The following FAT3 variants were observed in gnomAD, a reference collection of about 807,000 sequenced individuals.
The protein encoded by FAT3 is FAT atypical cadherin 3.
In FAT3, 95 loss-of-function variants were observed where a neutral mutation model predicts 310.2. The observed-to-expected ratio is 0.31, with a 90% CI of 0.26 to 0.36. FAT3 has a LOEUF of 0.36. Among genes scored for constraint, FAT3 ranks in the 10% least tolerant of loss-of-function variants. The pLI is 1.00. For missense variants in FAT3, 5,408 were observed against 5,715.6 expected, an observed-to-expected ratio of 0.95 and a Z score of 1.74; for synonymous variants, 2,314 against 2,192.9, an observed-to-expected ratio of 1.06 and a Z score of -1.54.
rs535351250 is a variant in FAT3, at chr11:92,224,997, G to A, written c.-195G>A. On this transcript the variant is annotated 5_prime_UTR_variant, in exon 1 of 28. Coordinates refer to ENST00000525166, the MANE Select transcript of FAT3 (RefSeq NM_001367949.2). ...GCGAACCCCCGGCGGCGGCGGCGGC[G>A]GCGTCCCGAGCGCAGAGCGCTTCTG... Among the ~76,000 whole-genome samples, 1 of 152,066 alleles carries A rather than the reference G, an allele frequency of 6.6e-6. No individual in the cohort carries two copies. Among genetic ancestry groups the A allele is most frequent in the Non-Finnish European group, 1.5e-5 (1 of 68,000 alleles).
intron 2 of FAT3, among the ~76,000 whole-genome samples, chr11:92,376,712 G>A (rs1949357189): frequency 6.6e-6 from 1 of 152,148 alleles, no homozygotes; most frequent in African/African-American, 2.4e-5. Context: ...CCTCACTTTG[G>A]ATAGTGGTTG....
intron 4 of FAT3, among the ~76,000 whole-genome samples, chr11:92,745,308 C>T (rs549089583): frequency 2.6e-4 from 40 of 152,202 alleles, no homozygotes; most frequent in Non-Finnish European, 3.2e-4. Flanking sequence ...TTTAGATCTG[C>T]GGCTAATATG....
intron 3 of FAT3, among the ~76,000 whole-genome samples, chr11:92,588,884 A>G (rs1939286195): frequency 1.3e-5 from 2 of 151,698 alleles, no homozygotes; most frequent in South Asian, 2.1e-4. Context: ...TAGGGAATTA[A>G]TGAGGAATTA....
chr11:92,587,264 T>A (rs1196828151), intron 3 of FAT3, among the ~76,000 whole-genome samples: 3 of 152,024 alleles, frequency 2.0e-5, no homozygotes, highest in Non-Finnish European at 4.4e-5. Flanking sequence ...ATTAACCTGG[T>A]TATTGGTGAA....
intron 25 of FAT3, among the ~76,000 whole-genome samples, chr11:92,888,340 G>A (rs1161101634): frequency 2.6e-5 from 4 of 152,148 alleles, no homozygotes; most frequent in Non-Finnish European, 5.9e-5. Context: ...TGGCTAGTTT[G>A]CACTTTATAT....
At chr11:92,868,821 TAAGTA>T (rs1243121765) in intron 22 of FAT3, among the ~76,000 whole-genome samples, 1 of 152,198 alleles carries the variant, frequency 6.6e-6, no homozygotes, top group Non-Finnish European at 1.5e-5. Context: ...ATCCTTAAGC[TAAGTA>T]TTCAGTGGAA....
intron 2 of FAT3, among the ~76,000 whole-genome samples, chr11:92,488,450 G>GCCCCCCC (rs796106709): frequency 3.2e-4 from 3 of 9,334 alleles, no homozygotes; most frequent in South Asian, 0.015. Context: ...AACTAGCACC[G>GCCCCCCC]CCCCCCCCCC....
intron 3 of FAT3, among the ~76,000 whole-genome samples, chr11:92,634,124 T>A (rs1941670193): frequency 6.6e-6 from 1 of 152,176 alleles, no homozygotes; most frequent in Non-Finnish European, 1.5e-5. Context: ...TACACAGAGA[T>A]TCAGAAATGC....
At chr11:92,493,798 C>A (rs995296749) in intron 2 of FAT3, among the ~76,000 whole-genome samples, 1 of 152,004 alleles carries the variant, frequency 6.6e-6, no homozygotes, top group African/African-American at 2.4e-5. Context: ...GGTAACAATG[C>A]AGCATGAGTT....
At chr11:92,631,975 A>G (rs1412087686) in intron 3 of FAT3, among the ~76,000 whole-genome samples, 2 of 152,216 alleles carry the variant, frequency 1.3e-5, no homozygotes, top group Non-Finnish European at 2.9e-5. Flanking sequence ...TACAATGTAT[A>G]AAGAGCATTT....
intron 3 of FAT3, among the ~76,000 whole-genome samples, chr11:92,589,242 A>G (rs1939304300): frequency 1.3e-5 from 2 of 152,110 alleles, no homozygotes; most frequent in Non-Finnish European, 2.9e-5. Flanking sequence ...GGCCTGAAGT[A>G]GCCATACCCA....
At chr11:92,716,583 TG>T (rs1179719163) in intron 4 of FAT3, among the ~76,000 whole-genome samples, 3 of 152,206 alleles carry the variant, frequency 2.0e-5, no homozygotes, top group Non-Finnish European at 4.4e-5. Context: ...CTCTGCCTGT[TG>T]AAGTAATCAC....
At chr11:92,428,448 C>A (rs1009292007) in intron 2 of FAT3, among the ~76,000 whole-genome samples, 2 of 151,882 alleles carry the variant, frequency 1.3e-5, no homozygotes, top group Admixed American at 1.3e-4. Context: ...GCTCTTGCTT[C>A]TCTAGTTCTT....
intron 3 of FAT3, among the ~76,000 whole-genome samples, chr11:92,531,782 T>C (rs976336492): frequency 6.6e-5 from 10 of 152,132 alleles, no homozygotes; most frequent in African/African-American, 1.9e-4. Context: ...CATATACTTA[T>C]TGTGAATGTA....
chr11:92,847,940 C>A (rs1050979446), intron 19 of FAT3, among the ~76,000 whole-genome samples: 1 of 150,988 alleles, frequency 6.6e-6, no homozygotes, highest in Non-Finnish European at 1.5e-5. Context: ...CACACACACA[C>A]AGACGTGCAC....
chr11:92,440,693 G>C (rs1023231476), intron 2 of FAT3, among the ~76,000 whole-genome samples: 2 of 152,178 alleles, frequency 1.3e-5, no homozygotes, highest in African/African-American at 4.8e-5. Context: ...AGTGTTTTGG[G>C]AGGCGGTGAA....
At position 92,894,241 on chromosome 11, in the gene FAT3, C is replaced by G. The variant is rs572802495; in HGVS notation, c.*3128C>G. 2.6e-5 allele frequency: 4 copies of G among 152,296 alleles called. No homozygotes were observed. The East Asian group carries it at 7.7e-4, about 29-fold the overall frequency. The allele number at this position is 152,296 out of a possible 1,614,324, so 9.4% of individuals were successfully genotyped here. ...TCTGTAGACATTCATCGAAATGCTGCTTTTGCCAAATGAATGTTTGTATAA... is the reference window on the plus strand; with the variant it reads ...TCTGTAGACATTCATCGAAATGCTGGTTTTGCCAAATGAATGTTTGTATAA... On this transcript the variant is annotated 3_prime_UTR_variant, in exon 28 of 28. Coordinates refer to ENST00000525166, the MANE Select transcript of FAT3 (RefSeq NM_001367949.2).
chr11:92,533,529 G>C (rs1020311975), intron 3 of FAT3, among the ~76,000 whole-genome samples: 2 of 152,158 alleles, frequency 1.3e-5, no homozygotes, highest in Non-Finnish European at 2.9e-5. Flanking sequence ...TTGTTACTTG[G>C]AAAATGATTG....
chr11:92,464,787 A>G (rs1035176764), intron 2 of FAT3, among the ~76,000 whole-genome samples: 2 of 152,192 alleles, frequency 1.3e-5, no homozygotes, highest in African/African-American at 2.4e-5. Flanking sequence ...TTCTTTTGGA[A>G]TGTTTAAGTA....
Sources: allele counts gnomAD v4.1 joint callset (sites outside exome capture counted in the v4.1 genomes callset), GRCh38; gene constraint gnomAD v4.1.1; transcripts MANE v1.5; gene names NCBI Gene and HGNC (gene_info 2026-07-23, HGNC 2026-07-21).